PLEKHM3: variants seen among roughly 807,000 people sequenced by gnomAD.
PLEKHM3 encodes pleckstrin homology domain containing M3.
Under a neutral mutation model 81.8 loss-of-function variants are expected in PLEKHM3, and 45 were observed. That is an observed-to-expected ratio of 0.55 (90% CI 0.43 to 0.71). The LOEUF (loss-of-function observed/expected upper bound fraction) is 0.71, where lower values mean the gene tolerates loss of function less well. Among genes scored for constraint, PLEKHM3 ranks in the 30% least tolerant of loss-of-function variants. PLEKHM3 has a pLI of 0.00. For synonymous variants in PLEKHM3, 352 were observed against 356.4 expected (o/e 0.99, Z 0.14); for missense variants, 788 against 924.3 (o/e 0.85, Z 1.91).
At chr2:207,950,157 C>T (rs1690282512) in intron 3 of PLEKHM3, among the ~76,000 whole-genome samples, 1 of 152,322 alleles carries the variant, frequency 6.6e-6, no homozygotes, top group Non-Finnish European at 1.5e-5. Flanking sequence ...TAAACACCTA[C>T]CTTTAGTCCT....
intron 7 of PLEKHM3, among the ~76,000 whole-genome samples, chr2:207,845,175 A>G (rs2092375865): frequency 6.6e-6 from 1 of 152,242 alleles, no homozygotes; most frequent in Non-Finnish European, 1.5e-5. Flanking sequence ...TATACATTAG[A>G]TACTTAAAAA....
At chr2:207,939,297 A>G (rs746298873) in intron 4 of PLEKHM3, among the ~76,000 whole-genome samples, 13 of 152,216 alleles carry the variant, frequency 8.5e-5, no homozygotes, top group Admixed American at 2.6e-4. Context: ...TTTGTCTGGT[A>G]GAGAGGAAAG....
intron 6 of PLEKHM3, among the ~76,000 whole-genome samples, chr2:207,889,252 G>T (rs962899882): frequency 1.3e-5 from 2 of 152,068 alleles, no homozygotes; most frequent in African/African-American, 4.8e-5. Flanking sequence ...TGGTGGGGCC[G>T]TGACTTCCTA....
chr2:207,846,009 C>T (rs376323849), intron 7 of PLEKHM3, among the ~76,000 whole-genome samples: 1 of 152,184 alleles, frequency 6.6e-6, no homozygotes, highest in African/African-American at 2.4e-5. Context: ...GATCTTACTC[C>T]TTTTGTCAAT....
intron 2 of PLEKHM3, among the ~76,000 whole-genome samples, chr2:207,984,946 T>C (rs1388156143): frequency 6.6e-6 from 1 of 152,164 alleles, no homozygotes; most frequent in Admixed American, 6.5e-5. Context: ...TCAGTGAGGT[T>C]TTTTGTGTTT....
intron 1 of PLEKHM3, among the ~76,000 whole-genome samples, chr2:208,005,821 A>T (rs2106101842): frequency 6.6e-6 from 1 of 152,340 alleles, no homozygotes; most frequent in Middle Eastern, 3.4e-3. Flanking sequence ...ACACACACGC[A>T]TGTGCATGCG....
At chr2:207,834,969 T>A (rs1302955998) in intron 7 of PLEKHM3, among the ~76,000 whole-genome samples, 1 of 151,892 alleles carries the variant, frequency 6.6e-6, no homozygotes, top group Non-Finnish European at 1.5e-5. Context: ...AGACGGAGTT[T>A]CACTCTTGTT....
At chr2:207,896,071 C>T (rs959518003) in intron 6 of PLEKHM3, among the ~76,000 whole-genome samples, 4 of 152,228 alleles carry the variant, frequency 2.6e-5, no homozygotes, top group African/African-American at 9.6e-5. Flanking sequence ...TTCGTGCAAA[C>T]TGGCTGGGAG....
intron 2 of PLEKHM3, among the ~76,000 whole-genome samples, chr2:207,977,961 C>T (rs1691377405): frequency 6.6e-6 from 1 of 152,150 alleles, no homozygotes; most frequent in Non-Finnish European, 1.5e-5. Context: ...GTGGCACATG[C>T]CTGTAGCCCT....
rs1266904915 is a variant in PLEKHM3, at chr2:207,861,153, C to G, written c.2060G>C (p.Cys687Ser). The G allele has an allele frequency of 1.2e-6, 2 of 1,614,138 alleles. No individual in the cohort carries two copies. The highest frequency in any genetic ancestry group is 1.7e-6 in the Non-Finnish European group (2 of 1,180,004). The change falls in exon 7 of 8, where the codon TGT becomes TCT. Residue 687 changes from cysteine to serine, a missense_variant. Coordinates refer to ENST00000427836, the MANE Select transcript of PLEKHM3 (RefSeq NM_001080475.3). ...CSQKGFICEI[C>S]NNGEILYPFE... ...AGGGTAGAGGATCTCTCCATTGTTA[C>G]AGATTTCACAGATGAACCCCTTCTG... is the stretch of plus-strand genomic sequence containing the variant.
chr2:207,975,671 A>G (rs1449614552), intron 3 of PLEKHM3, among the ~76,000 whole-genome samples: 1 of 128,446 alleles, frequency 7.8e-6, no homozygotes. Flanking sequence ...ATCTTGGCTC[A>G]CTGCAACCTC....
intron 6 of PLEKHM3, among the ~76,000 whole-genome samples, chr2:207,907,540 A>G (rs1267659106): frequency 6.6e-6 from 1 of 152,118 alleles, no homozygotes; most frequent in Non-Finnish European, 1.5e-5. Flanking sequence ...GTTCTAATAA[A>G]AGTATAAAAG....
At chr2:208,025,032 C>G (rs182590291) in intron 1 of PLEKHM3, among the ~76,000 whole-genome samples, 4 of 152,274 alleles carry the variant, frequency 2.6e-5, no homozygotes, top group African/African-American at 9.6e-5. Context: ...TTTCTGGAAG[C>G]CCCAGCCTGA....
intron 3 of PLEKHM3, among the ~76,000 whole-genome samples, chr2:207,946,974 A>G (rs1159630586): frequency 6.6e-6 from 1 of 152,234 alleles, no homozygotes; most frequent in African/African-American, 2.4e-5. Context: ...TATGAGGTTA[A>G]GTATCTTGTC....
chr2:207,997,695 C>G (rs561496250), intron 2 of PLEKHM3, among the ~76,000 whole-genome samples: 1 of 152,242 alleles, frequency 6.6e-6, no homozygotes, highest in Non-Finnish European at 1.5e-5. Context: ...TCATTTGAGA[C>G]ACTTTGAATT....
At chr2:207,916,518 T>A (rs1310923892) in intron 5 of PLEKHM3, among the ~76,000 whole-genome samples, 1 of 152,126 alleles carries the variant, frequency 6.6e-6, no homozygotes, top group East Asian at 1.9e-4. Context: ...GGTAGATAGA[T>A]CACCTGAGGT....
intron 3 of PLEKHM3, among the ~76,000 whole-genome samples, chr2:207,973,881 T>G (rs1183620743): frequency 6.6e-6 from 1 of 152,164 alleles, no homozygotes; most frequent in African/African-American, 2.4e-5. Flanking sequence ...CAGCTTTTCT[T>G]TCTTTTCTTT....
At chr2:208,023,857 T>C (rs1247135906) in intron 1 of PLEKHM3, among the ~76,000 whole-genome samples, 2 of 112,638 alleles carry the variant, frequency 1.8e-5, no homozygotes, top group Non-Finnish European at 4.5e-5. Flanking sequence ...CTGGCATATT[T>C]TTATTTTATA....
At chr2:207,946,569 A>T in intron 3 of PLEKHM3, 57 bp from the exon 4 acceptor site, 1 of 1,584,450 alleles carries the variant, frequency 6.3e-7, no homozygotes, top group Non-Finnish European at 8.6e-7. Context: ...ACACTACAGA[A>T]CAAGGTTATA....
Sources: allele counts gnomAD v4.1 joint callset (sites outside exome capture counted in the v4.1 genomes callset), GRCh38; gene constraint gnomAD v4.1.1; transcripts MANE v1.5; gene names NCBI Gene and HGNC (gene_info 2026-07-23, HGNC 2026-07-21).